Variants in PMS1 observed in about 807,000 individuals in gnomAD.
PMS1 encodes PMS1 protein homolog 1.
Under a neutral mutation model 93.1 loss-of-function variants are expected in PMS1, and 79 were observed. The ratio of observed to expected loss-of-function variants is 0.85; its 90% CI spans 0.71 to 1.02. The LOEUF (loss-of-function observed/expected upper bound fraction) is 1.02, where lower values mean the gene tolerates loss of function less well. PMS1 is among the 50% of genes least tolerant of loss of function. The pLI, the probability that PMS1 is intolerant of heterozygous loss-of-function variation, is 0.00. For missense variants in PMS1, 1,064 were observed against 1,085.3 expected (o/e 0.98, Z 0.28); for synonymous variants, 335 against 363.4 (o/e 0.92, Z 0.89).
At chr2:189,807,930 A>C (rs1216513370) in intron 4 of PMS1, among the ~76,000 whole-genome samples, 1 of 152,186 alleles carries the variant, frequency 6.6e-6, no homozygotes, top group East Asian at 1.9e-4. Flanking sequence ...AAACAGCAGA[A>C]AGTTAAAGTC....
Position 189,873,493 on chromosome 2 carries a change from C to G in PMS1, c.2474-3C>G. ...CTATGTGTTTTTATTTTTTTTCTTTCAGGAGTTTCAATTACTGAAAATTAC... is the reference window on the plus strand; with the variant it reads ...CTATGTGTTTTTATTTTTTTTCTTTGAGGAGTTTCAATTACTGAAAATTAC... On this transcript the variant is annotated splice_polypyrimidine_tract_variant and splice_region_variant and intron_variant, in intron 11 of 12. Transcript: ENST00000441310. The G allele has an allele frequency of 4.4e-6, 7 of 1,577,172 alleles. No individual in the cohort carries two copies. Among genetic ancestry groups the G allele is most frequent in the Non-Finnish European group, 6.1e-6 (7 of 1,147,908 alleles).
intron 10 of PMS1, among the ~76,000 whole-genome samples, chr2:189,864,687 AATATATATATATATAT>A (rs1220402323): frequency 0.021 from 386 of 18,216 alleles, 13 homozygotes; most frequent in African/African-American, 0.053. Flanking sequence ...AAAAAAAAAA[AATATATATATATATAT>A]ATATATATAT....
chr2:189,869,583 G>A (rs1053022920), intron 11 of PMS1, among the ~76,000 whole-genome samples: 9 of 152,070 alleles, frequency 5.9e-5, no homozygotes, highest in African/African-American at 2.2e-4. Context: ...TTGGGAGGCC[G>A]AGGTGGGTGG....
chr2:189,792,843 G>A (rs1024189147), intron 2 of PMS1, among the ~76,000 whole-genome samples: 8 of 150,028 alleles, frequency 5.3e-5, no homozygotes, highest in East Asian at 2.0e-4. Context: ...GCAGAGTCTC[G>A]CTTTTTCGCC....
At chr2:189,840,537 T>C (rs573720342) in intron 5 of PMS1, among the ~76,000 whole-genome samples, 13 of 152,342 alleles carry the variant, frequency 8.5e-5, no homozygotes, top group East Asian at 3.9e-4. Context: ...TTTTTTCTTA[T>C]ACAGGTCACT....
intron 5 of PMS1, among the ~76,000 whole-genome samples, chr2:189,822,118 G>A (rs187328338): frequency 5.9e-5 from 9 of 152,322 alleles, no homozygotes; most frequent in Admixed American, 4.6e-4. Context: ...GGGTGGAGGC[G>A]TTGGCACGGG....
chr2:189,829,644 C>G (rs191966858), intron 5 of PMS1, among the ~76,000 whole-genome samples: 316 of 152,174 alleles, frequency 2.1e-3, no homozygotes, highest in Non-Finnish European at 2.6e-3. Flanking sequence ...AAACCCACAC[C>G]CATGCTGAAT....
chr2:189,786,972 G>T (rs2048404985), intron 1 of PMS1, among the ~76,000 whole-genome samples: 1 of 152,204 alleles, frequency 6.6e-6, no homozygotes, highest in Non-Finnish European at 1.5e-5. Context: ...AGAATCGCTT[G>T]AACCCGGGAG....
At chr2:189,853,724 C>T (rs113978493) in intron 7 of PMS1, among the ~76,000 whole-genome samples, 41 of 151,982 alleles carry the variant, frequency 2.7e-4, no homozygotes, top group African/African-American at 9.2e-4. Context: ...ATCATGTTGG[C>T]CAGGCTGGTC....
chr2:189,854,930 T>C lies in PMS1; in HGVS notation c.1658T>C (p.Ile553Thr). 1 of 1,606,690 alleles carries C rather than the reference T, an allele frequency of 6.2e-7. No homozygotes were observed. The highest frequency in any genetic ancestry group is 8.5e-7 in the Non-Finnish European group (1 of 1,173,908). The change falls in exon 9 of 13, where the codon ATA (isoleucine) becomes ACA (threonine). Residue 553 changes from isoleucine to threonine, a missense_variant. Ile to Thr is a moderately conservative substitution (Grantham distance 89). Transcript: ENST00000441310. ...TCATGTAACAAAAAATCAAATGTAATAGATAATAAATCTGGAAAAGTTACA... is the reference window on the plus strand; with the variant it reads ...TCATGTAACAAAAAATCAAATGTAACAGATAATAAATCTGGAAAAGTTACA... ...EDSCNKKSNV[I>T]DNKSGKVTAY...
chr2:189,851,062 G>A (rs914662682), intron 6 of PMS1, among the ~76,000 whole-genome samples: 4 of 152,170 alleles, frequency 2.6e-5, no homozygotes, highest in African/African-American at 9.7e-5. Flanking sequence ...CTGATTTGGT[G>A]TCTCAAGTTA....
chr2:189,870,334 C>T (rs144690388), intron 11 of PMS1, among the ~76,000 whole-genome samples: 1 of 152,240 alleles, frequency 6.6e-6, no homozygotes, highest in African/African-American at 2.4e-5. Flanking sequence ...AGAAGATTCT[C>T]AATGTGACTC....
intron 9 of PMS1, among the ~76,000 whole-genome samples, 192 bp from the exon 10 acceptor site, chr2:189,863,551 C>T (rs1167888860): frequency 1.3e-5 from 2 of 152,048 alleles, no homozygotes; most frequent in Non-Finnish European, 2.9e-5. Context: ...ACCACTATGC[C>T]CGGCCAATAA....
intron 5 of PMS1, among the ~76,000 whole-genome samples, chr2:189,827,184 A>G (rs1027920474): frequency 2.6e-5 from 4 of 152,250 alleles, no homozygotes. Flanking sequence ...ACAGTCAAAT[A>G]GAACAACATA....
chr2:189,854,069 TATTACA>T lies in PMS1; in HGVS notation c.955_960del (p.Leu319_Gln320del). 1 of 1,592,288 alleles carries T rather than the reference TATTACA, an allele frequency of 6.3e-7. No individual in the cohort carries two copies. The highest frequency in any genetic ancestry group is 1.1e-5 in the South Asian group (1 of 87,292). On this transcript the variant is annotated inframe_deletion, in exon 8 of 13. Transcript: ENST00000441310. ...TTAACACCAGATAAAAGCCAAGTAT[TATTACA>T]AAATAAGGTAACTCTTTTCAGATAA...
chr2:189,874,810 G>C (rs2057422458), intron 12 of PMS1, among the ~76,000 whole-genome samples: 1 of 152,154 alleles, frequency 6.6e-6, no homozygotes, highest in South Asian at 2.1e-4. Flanking sequence ...AACATTGATA[G>C]TTTCTAGAGA....
chr2:189,803,976 G>A (rs1043773031), intron 3 of PMS1, among the ~76,000 whole-genome samples: 1 of 152,172 alleles, frequency 6.6e-6, no homozygotes, highest in Admixed American at 6.5e-5. Flanking sequence ...CTAGACTGGA[G>A]TATATATGTT....
At chr2:189,852,424 A>C (rs998414532) in intron 6 of PMS1, among the ~76,000 whole-genome samples, 2 of 152,198 alleles carry the variant, frequency 1.3e-5, no homozygotes, top group Non-Finnish European at 2.9e-5. Context: ...TATAAATGCC[A>C]ATTTTTCCTT....
intron 6 of PMS1, among the ~76,000 whole-genome samples, chr2:189,844,290 T>C (rs256586): frequency 0.048 from 7,269 of 152,268 alleles, 196 homozygotes; most frequent in African/African-American, 0.081. Flanking sequence ...GTTGCTTACA[T>C]TGATTTTCAA....
Sources: gnomAD v4.1 joint callset for allele counts (sites outside exome capture counted in the v4.1 genomes callset) on GRCh38, gnomAD v4.1.1 for gene constraint, MANE v1.5 for transcripts, NCBI Gene and HGNC (gene_info 2026-07-23, HGNC 2026-07-21) for gene names.